CPT1B: variants seen among roughly 807,000 people sequenced by gnomAD.
The protein encoded by CPT1B is carnitine O-palmitoyltransferase 1, muscle isoform.
In CPT1B, 57 loss-of-function variants were observed where a neutral mutation model predicts 92.7. The observed-to-expected ratio is 0.62, with a 90% confidence interval of 0.50 to 0.77. The LOEUF (loss-of-function observed/expected upper bound fraction) is 0.77, where lower values mean the gene tolerates loss of function less well. Among genes scored for constraint, CPT1B ranks in the 30% least tolerant of loss-of-function variants. The probability of loss-of-function intolerance (pLI) is 0.00; values close to 1 mark genes in which losing one functional copy is unlikely to be tolerated. For synonymous variants in CPT1B, 398 were observed against 383.5 expected, an observed-to-expected ratio of 1.04 and a Z score of -0.44; for missense variants, 983 against 1,017.4, an observed-to-expected ratio of 0.97 and a Z score of 0.46.
chr22:50,569,718 C>T, intron 17 of CPT1B, 50 bp from the exon 18 acceptor site: 1 of 1,464,338 alleles, frequency 6.8e-7, no homozygotes, highest in African/African-American at 1.4e-5. Flanking sequence ...CCTTGAAGAT[C>T]TGAAAGCCAA....
chr22:50,577,918 T>TG lies in CPT1B; in HGVS notation c.-4dup. The TG allele has an allele frequency of 6.2e-7, 1 of 1,607,066 alleles. No homozygotes were observed. Among genetic ancestry groups the TG allele is most frequent in the Non-Finnish European group, 8.5e-7 (1 of 1,175,412 alleles). ...ACGGCCTGGTGAGCTTCCGCCATCC[T>TG]GGGGGTTGGTCGGCACCTAGGACGG... On this transcript the variant is annotated 5_prime_UTR_variant, in exon 2 of 20. Coordinates refer to ENST00000312108, the MANE Select transcript of CPT1B (RefSeq NM_152246.3).
intron 17 of CPT1B, 101 bp from the exon 18 acceptor site, chr22:50,569,769 CG>C: frequency 9.6e-7 from 1 of 1,037,636 alleles, no homozygotes; most frequent in Admixed American, 1.8e-5. Flanking sequence ...GTTGCAGGAA[CG>C]GGCCCCAGCC....
intron 4 of CPT1B, 77 bp downstream of exon 4, chr22:50,576,780 C>A: frequency 1.3e-6 from 2 of 1,585,902 alleles, no homozygotes; most frequent in South Asian, 1.1e-5. Flanking sequence ...CTGCCTCTCC[C>A]GTCTAGCTCA....
intron 2 of CPT1B, 80 bp from the exon 3 acceptor site, chr22:50,577,543 T>G: frequency 6.4e-7 from 1 of 1,561,858 alleles, no homozygotes. Flanking sequence ...AACTGGCTCC[T>G]GGTCTTGGCC....
At chr22:50,574,260 G>T in intron 9 of CPT1B, 75 bp downstream of exon 9, 3 of 1,161,290 alleles carry the variant, frequency 2.6e-6, no homozygotes, top group Non-Finnish European at 3.8e-6. Flanking sequence ...CACTGGGGAC[G>T]CTTGGTGATG....
Position 50,576,336 on chromosome 22 carries a change from C to T in CPT1B, c.562-1G>A, listed in dbSNP as rs1264635945. On this transcript the variant is annotated splice_acceptor_variant, in intron 5 of 19. Coordinates refer to ENST00000312108, the MANE Select transcript of CPT1B (RefSeq NM_152246.3). LOFTEE classifies it high-confidence loss of function. ...ACAAGGGGCGCACAGACTCTAGGTACTGTCCAGCCAGTTATCATCACCGTG... is the reference window on the plus strand; with the variant it reads ...ACAAGGGGCGCACAGACTCTAGGTATTGTCCAGCCAGTTATCATCACCGTG... 1.1e-5 allele frequency: 17 copies of T among 1,613,960 alleles called. No homozygotes were observed. Among genetic ancestry groups the T allele is most frequent in the African/African-American group, 2.7e-5 (2 of 74,914 alleles).
chr22:50,572,805 C>T lies in CPT1B; in HGVS notation c.1352+70G>A, dbSNP rs943789346. 2.0e-6 allele frequency: 3 copies of T among 1,516,066 alleles called. No homozygotes were observed. In the East Asian group the frequency reaches 6.9e-5, roughly 35 times the overall value. The allele number at this position is 1,516,066 out of a possible 1,614,324, so 93.9% of individuals were successfully genotyped here. On this transcript the variant is annotated intron_variant, in intron 11 of 19. Transcript: ENST00000312108. Reference sequence around the variant, plus strand: ...AGCTCATAACCCTACCTTCTTTTATCTTTAATCCTCTAACCATAACCCTAA... The same window carrying T: ...AGCTCATAACCCTACCTTCTTTTATTTTTAATCCTCTAACCATAACCCTAA...
At chr22:50,576,368 G>A (rs1211545352) in intron 5 of CPT1B, 33 bp from the exon 6 acceptor site, 2 of 1,613,590 alleles carry the variant, frequency 1.2e-6, no homozygotes, top group East Asian at 2.2e-5. Flanking sequence ...CGTGGGGCCA[G>A]ATGGCAAGGG....
In CPT1B at chr22:50,573,051, C is replaced by A; in HGVS notation, c.1176G>T (p.Trp392Cys). The change falls in exon 11 of 20, where the codon TGG becomes TGT. Residue 392 changes from tryptophan to cysteine, a missense_variant. Transcript: ENST00000312108. This position sits in a 1 kb window ranked among gnomAD's most constrained non-coding sequence, Gnocchi z 5.0. ...AALTAGGRVE[W>C]AQARQAFFSS... ...TAAAGAAGGCCTGGCGTGCCTGCGC[C>A]CACTCCACCCTGAAGCATGGGGCAG... The A allele has an allele frequency of 1.3e-6, 2 of 1,598,950 alleles. No individual in the cohort carries two copies. Among genetic ancestry groups the A allele is most frequent in the Non-Finnish European group, 8.6e-7 (1 of 1,168,090 alleles).
In CPT1B at chr22:50,572,111, G is replaced by A. The variant is rs200086261; in HGVS notation, c.1470C>T (p.Gly490=). 2.5e-6 allele frequency: 4 copies of A among 1,614,080 alleles called. No homozygotes were observed. The Admixed American group carries it at 6.7e-5, about 27-fold the overall frequency. The part of the protein sequence containing the change: ...IIGHLWEFVL[G]TDSFHLGYTE... ...TGTAGCCCAGGTGGAAGCTGTCTGT[G>A]CCCAGGACAAACTGCAGGGAGAGGA... is the stretch of plus-strand genomic sequence containing the variant. The change falls in exon 13 of 20, where the codon GGC becomes GGT. Residue 490 remains glycine (G), a synonymous_variant. Coordinates refer to ENST00000312108, the MANE Select transcript of CPT1B (RefSeq NM_152246.3).
Position 50,569,347 on chromosome 22 carries a change from G to C in CPT1B, c.2310C>G (p.Ala770=), listed in dbSNP as rs138045495. 369 of 1,614,106 alleles carry C rather than the reference G, an allele frequency of 2.3e-4. No individual in the cohort carries two copies. In the African/African-American group the frequency reaches 4.6e-3, roughly 20 times the overall value. The change falls in exon 19 of 20, where the codon GCC becomes GCG. Residue 770 remains alanine (A), a synonymous_variant. Transcript: ENST00000312108. ...GGCATTTCTCCAACCTTCAGCTGTA[G>C]GCCTTGGGAACTTGGAAAAGATCAG... The part of the protein sequence containing the change: ...DIADLFQVPK[A]YS
chr22:50,574,556 C>T lies in CPT1B; in HGVS notation c.822G>A (p.Leu274=). The change falls in exon 8 of 20, where the codon CTG becomes CTA. Residue 274 remains leucine, a synonymous_variant. Coordinates refer to ENST00000312108, the MANE Select transcript of CPT1B (RefSeq NM_152246.3). ...IKNTDVQAAR[L]GNIIHAMIMY... is the part of the protein sequence containing the mutation. ...TGATCATGGCGTGGATGATGTTTCC[C>T]AGGCGGGCTGCCTGCACGTCTGTAT... 1 of 1,614,122 alleles carries T rather than the reference C, an allele frequency of 6.2e-7. No homozygotes were observed.
At chr22:50,575,843 C>T (rs1163615093) in intron 7 of CPT1B, among the ~76,000 whole-genome samples, 192 bp downstream of exon 7, 1 of 152,180 alleles carries the variant, frequency 6.6e-6, no homozygotes, top group East Asian at 1.9e-4. Flanking sequence ...TTAGGATCCC[C>T]ATTGCCCCTA....
At position 50,570,954 on chromosome 22, in the gene CPT1B, C is replaced by T; in HGVS notation, c.1965G>A (p.Arg655=). ...RLAMTGAGID[R]HLFCLYLVSK... ...AGACCAAGTAAAGGCAGAAGAGGTG[C>T]CTGTCGATCCCTGCCCCGGTCATGG... is the stretch of plus-strand genomic sequence containing the variant. The change falls in exon 16 of 20, where the codon AGG becomes AGA. Residue 655 remains arginine, a synonymous_variant. Coordinates refer to ENST00000312108, the MANE Select transcript of CPT1B (RefSeq NM_152246.3). 1.9e-6 allele frequency: 3 copies of T among 1,613,964 alleles called. No homozygotes were observed. The highest frequency in any genetic ancestry group is 2.5e-6 in the Non-Finnish European group (3 of 1,180,030).
At position 50,573,364 on chromosome 22, in the gene CPT1B, T is replaced by C. The variant is rs1460495323; in HGVS notation, c.1166+156A>G. On this transcript the variant is annotated intron_variant, in intron 10 of 19. Transcript: ENST00000312108. The surrounding 1 kb of genome is among the most constrained non-coding windows in gnomAD (Gnocchi z 5.0). Reference sequence around the variant, plus strand: ...TCACCTGGCTGCCACCCGTCAGAGGTAGGTTATGCTGGCTGTCCTGCTGCC... The same window carrying C: ...TCACCTGGCTGCCACCCGTCAGAGGCAGGTTATGCTGGCTGTCCTGCTGCC... Among the ~76,000 whole-genome samples, 1 of 151,864 alleles carries C rather than the reference T, an allele frequency of 6.6e-6. No homozygotes were observed. Among genetic ancestry groups the C allele is most frequent in the East Asian group, 1.9e-4 (1 of 5,174 alleles).
In CPT1B at chr22:50,576,943, G is replaced by A. The variant is rs569675787; in HGVS notation, c.373C>T (p.Arg125Cys). Residue 125 changes from arginine (R) to cysteine (C), a missense_variant, in exon 4 of 20, where the codon CGC (arginine) becomes TGC (cysteine). By Grantham distance (180) the Arg-to-Cys change is radical. Transcript: ENST00000312108. Reference protein sequence around the residue: ...GVWVTGIFFFRQTLKLLLCYH... With the variant: ...GVWVTGIFFFCQTLKLLLCYH... ...CAGAGAAGCAGCTTCAGGGTTTGGCGGAAGAAGAAGATGCCCGTCACCCAG... is the reference window on the plus strand; with the variant it reads ...CAGAGAAGCAGCTTCAGGGTTTGGCAGAAGAAGAAGATGCCCGTCACCCAG... The A allele has an allele frequency of 4.3e-6, 7 of 1,613,964 alleles. No individual in the cohort carries two copies. Among genetic ancestry groups the A allele is most frequent in the Admixed American group, 3.3e-5 (2 of 60,002 alleles).
At position 50,577,000 on chromosome 22, in the gene CPT1B, G is replaced by T. The variant is rs777565184; in HGVS notation, c.316C>A (p.Leu106Ile). The stretch of plus-strand genomic sequence containing the variant: ...GTGGAGAAGATGGCCATGCTGAGAA[G>T]TGCCCGGGTCTGCGGGGTCTGGTAG... ...GPYQTPQTRA[L>I]LSMAIFSTGV... Residue 106 changes from leucine (L) to isoleucine (I), a missense_variant, in exon 4 of 20, where the codon CTT (leucine) becomes ATT (isoleucine). Physicochemically the swap from Leu to Ile is conservative, Grantham distance 5 (BLOSUM62 2). Coordinates refer to ENST00000312108, the MANE Select transcript of CPT1B (RefSeq NM_152246.3). 2 of 1,613,968 alleles carry T rather than the reference G, an allele frequency of 1.2e-6. No homozygotes were observed. The highest frequency in any genetic ancestry group is 2.2e-5 in the South Asian group (2 of 91,092).
rs370793146 is a variant in CPT1B, at chr22:50,575,175, G to A, written c.778-575C>T. On this transcript the variant is annotated intron_variant, in intron 7 of 19. Transcript: ENST00000312108. ...ACTACAGACGCCCACCACCACGCCC[G>A]GCTAATTTTTTGTATTTTTGGTAGA... is the stretch of plus-strand genomic sequence containing the variant. 7.2e-5 allele frequency among the ~76,000 whole-genome samples: 11 copies of A among 152,012 alleles called. No homozygotes were observed. In the South Asian group the frequency reaches 8.3e-4, roughly 11 times the overall value.
Position 50,573,847 on chromosome 22 carries a change from T to C in CPT1B, c.971-132A>G. On this transcript the variant is annotated intron_variant, in intron 9 of 19. Transcript: ENST00000312108. This position sits in a 1 kb window ranked among gnomAD's most constrained non-coding sequence, Gnocchi z 5.0. ...CCTCTGCCTGGGCCTTCCTGCCCCCTGGATGGGATCCGTGTGTCCTAAACC... is the reference window on the plus strand; with the variant it reads ...CCTCTGCCTGGGCCTTCCTGCCCCCCGGATGGGATCCGTGTGTCCTAAACC... 1 of 811,962 alleles carries C rather than the reference T, an allele frequency of 1.2e-6. No individual in the cohort carries two copies. Among genetic ancestry groups the C allele is most frequent in the Non-Finnish European group, 2.1e-6 (1 of 472,526 alleles). The allele number at this position is 811,962 out of a possible 1,614,324, so 50.3% of individuals were successfully genotyped here. A position where few individuals can be genotyped will look rare whatever the true frequency, so the allele number is the denominator to read the frequency against.
Sources: allele counts gnomAD v4.1 joint callset (sites outside exome capture counted in the v4.1 genomes callset), GRCh38; gene constraint gnomAD v4.1.1; non-coding constraint Gnocchi (gnomAD v3.1); transcripts MANE v1.5; gene names NCBI Gene and HGNC (gene_info 2026-07-23, HGNC 2026-07-21).